The following WFIKKN1 variants were observed in gnomAD, a reference collection of about 807,000 sequenced individuals.
WFIKKN1 encodes WAP, Kazal, immunoglobulin, Kunitz and NTR domain-containing protein 1.
WFIKKN1 carries 6 observed loss-of-function variants against 4.6 expected under a neutral mutation model. The observed-to-expected ratio is 1.31, with a 90% CI of 0.72 to 2.59. WFIKKN1 has a LOEUF of 2.59. Among genes scored for constraint, WFIKKN1 ranks in the 30% most tolerant of loss-of-function variants. The pLI, the probability that WFIKKN1 is intolerant of heterozygous loss-of-function variation, is 0.00. For synonymous variants in WFIKKN1, 468 were observed against 367.4 expected (o/e 1.27, Z -3.13); for missense variants, 964 against 818.0 (o/e 1.18, Z -2.18).
In WFIKKN1 at chr16:633,975, C is replaced by T. The variant is rs2151087326; in HGVS notation, c.1565C>T (p.Ala522Val). Residue 522 changes from alanine to valine, a missense_variant, in exon 2 of 2, where the codon GCC becomes GTC. By Grantham distance (64) the Ala-to-Val change is moderately conservative. Coordinates refer to ENST00000319070, the MANE Select transcript of WFIKKN1 (RefSeq NM_053284.3). ...CTGGACGCCGGCAGCTACGTCCGCG[C>T]CGCCAGCGAGAAGCGCGTCAAGAAG... Reference protein sequence around the residue: ...AVLDAGSYVRAASEKRVKKIL... With the variant: ...AVLDAGSYVRVASEKRVKKIL... The T allele has an allele frequency of 6.3e-7, 1 of 1,599,862 alleles. No homozygotes were observed. The highest frequency in any genetic ancestry group is 8.5e-7 in the Non-Finnish European group (1 of 1,174,042).
chr16:633,457 G>A lies in WFIKKN1; in HGVS notation c.1047G>A (p.Gln349=), dbSNP rs764771203. Residue 349 remains glutamine (Q), a synonymous_variant, in exon 2 of 2, where the codon CAG becomes CAA. Transcript: ENST00000319070. ...TTGAGACCTACGAGGCATGCCAGCA[G>A]GCCTGTGCCCGCGGCCCCGGCGACG... is the stretch of plus-strand genomic sequence containing the variant. ...RGFETYEACQ[Q]ACARGPGDAC... is the part of the protein sequence containing the mutation. The A allele has an allele frequency of 9.8e-6, 15 of 1,534,476 alleles. 1 individual carries two copies. The South Asian group carries it at 1.8e-4, about 18-fold the overall frequency.
chr16:632,970 C>G lies in WFIKKN1; in HGVS notation c.560C>G (p.Ala187Gly). 1.3e-6 allele frequency: 2 copies of G among 1,588,666 alleles called. No homozygotes were observed. The highest frequency in any genetic ancestry group is 1.7e-6 in the Non-Finnish European group (2 of 1,166,774). Residue 187 changes from alanine (A) to glycine (G), a missense_variant, in exon 2 of 2, where the codon GCC becomes GGC. Physicochemically the swap from Ala to Gly is moderately conservative, Grantham distance 60. Transcript: ENST00000319070. ...PTPGAAPVPPALYSSPSPQAV... is the reference protein window; with the variant it reads ...PTPGAAPVPPGLYSSPSPQAV... Reference sequence around the variant, plus strand: ...CCTGGGGCCGCGCCCGTGCCTCCTGCCCTGTACAGCAGCCCCTCCCCACAG... The same window carrying G: ...CCTGGGGCCGCGCCCGTGCCTCCTGGCCTGTACAGCAGCCCCTCCCCACAG...
chr16:632,821 C>A lies in WFIKKN1; in HGVS notation c.411C>A (p.Asn137Lys). Residue 137 changes from asparagine (N) to lysine (K), a missense_variant, in exon 2 of 2, where the codon AAC becomes AAA. Physicochemically the swap from Asn to Lys is moderately conservative, Grantham distance 94. Coordinates refer to ENST00000319070, the MANE Select transcript of WFIKKN1 (RefSeq NM_053284.3). ...CCTCGGACGGCCTCACCTACTACAA[C>A]CGCTGCTATATGGACGCCGAGGCCT... The part of the protein sequence containing the change: ...TCASDGLTYY[N>K]RCYMDAEACL... 1 of 1,589,308 alleles carries A rather than the reference C, an allele frequency of 6.3e-7. No individual in the cohort carries two copies. The highest frequency in any genetic ancestry group is 8.6e-7 in the Non-Finnish European group (1 of 1,166,406).
In WFIKKN1 at chr16:633,639, C is replaced by A; in HGVS notation, c.1229C>A (p.Pro410His). ...HSRESCEDACPVPRTPPCRAC... is the reference protein window; with the variant it reads ...HSRESCEDACHVPRTPPCRAC... ...CGCGAGAGCTGCGAGGATGCCTGCC[C>A]CGTGCCGCGCACACCGCCCTGCCGC... The change falls in exon 2 of 2, where the codon CCC becomes CAC. Residue 410 changes from proline (P) to histidine (H), a missense_variant. Pro to His is a moderately conservative substitution (Grantham distance 77). Coordinates refer to ENST00000319070, the MANE Select transcript of WFIKKN1 (RefSeq NM_053284.3). 1 of 1,567,838 alleles carries A rather than the reference C, an allele frequency of 6.4e-7. No individual in the cohort carries two copies. Among genetic ancestry groups the A allele is most frequent in the East Asian group, 2.4e-5 (1 of 41,726 alleles).
rs370746314 is a variant in WFIKKN1 at position 633,983 on chromosome 16, G to C, written c.1573G>C (p.Glu525Gln). 4.4e-6 allele frequency: 7 copies of C among 1,602,054 alleles called. 1 individual carries two copies. In the Admixed American group the frequency reaches 1.0e-4, roughly 23 times the overall value. The change falls in exon 2 of 2, where the codon GAG becomes CAG. Residue 525 changes from glutamate (E) to glutamine (Q), a missense_variant. Coordinates refer to ENST00000319070, the MANE Select transcript of WFIKKN1 (RefSeq NM_053284.3). ...CGGCAGCTACGTCCGCGCCGCCAGC[G>C]AGAAGCGCGTCAAGAAGATCTTGGA... ...DAGSYVRAASEKRVKKILELL... is the reference protein window; with the variant it reads ...DAGSYVRAASQKRVKKILELL...
Position 634,030 on chromosome 16 carries a change from C to T in WFIKKN1, c.1620C>T (p.Cys540=), listed in dbSNP as rs1354304168. 1.3e-5 allele frequency: 20 copies of T among 1,593,606 alleles called. No individual in the cohort carries two copies. Among genetic ancestry groups the T allele is most frequent in the Non-Finnish European group, 1.5e-5 (17 of 1,172,378 alleles). ...KILELLEKQA[C]ELLNRFQD ...TGGAGCTGCTGGAGAAGCAGGCCTG[C>T]GAGCTGCTCAACCGCTTCCAGGACT... Residue 540 remains cysteine (C), a synonymous_variant, in exon 2 of 2, where the codon TGC becomes TGT. Coordinates refer to ENST00000319070, the MANE Select transcript of WFIKKN1 (RefSeq NM_053284.3).
chr16:631,155 A>T lies in WFIKKN1; in HGVS notation c.-99A>T, dbSNP rs2036943921. The T allele has an allele frequency of 1.4e-6, 2 of 1,381,116 alleles. No individual in the cohort carries two copies. The highest frequency in any genetic ancestry group is 1.9e-6 in the Non-Finnish European group (2 of 1,047,300). 85.6% of individuals were successfully genotyped at this position (1,381,116 alleles called of 1,614,324 possible). Reference sequence around the variant, plus strand: ...CGGGGTCCTGGTGGGGGCACCGACCACAGGCCCGGAGGGTGGATGCCTGCA... The same window carrying T: ...CGGGGTCCTGGTGGGGGCACCGACCTCAGGCCCGGAGGGTGGATGCCTGCA... On this transcript the variant is annotated 5_prime_UTR_variant, in exon 1 of 2. Transcript: ENST00000319070.
rs142058878 is a variant in WFIKKN1 at position 631,325 on chromosome 16, A to G, written c.72A>G (p.Pro24=). ...LRLTSGAGLL[P]GLGSHPGVCP... ...TGACCTCGGGGGCTGGCTTGCTGCC[A>G]GGGCTGGGGAGCCACCCGGGCGTGT... The change falls in exon 1 of 2, where the codon CCA becomes CCG. Residue 24 remains proline (P), a synonymous_variant. Transcript: ENST00000319070. 10,322 of 1,603,930 alleles carry G rather than the reference A, an allele frequency of 6.4e-3. 49 individuals are homozygous for G. The highest frequency in any genetic ancestry group is 7.9e-3 in the Non-Finnish European group (9,277 of 1,179,170).
rs748207139 is a variant in WFIKKN1, at chr16:632,797, C to T, written c.387C>T (p.Ala129=). The T allele has an allele frequency of 7.5e-6, 12 of 1,598,318 alleles. No individual in the cohort carries two copies. In the Middle Eastern group the frequency reaches 5.0e-4, roughly 66 times the overall value. ...RCEKEPSFTC[A]SDGLTYYNRC... is the part of the protein sequence containing the mutation. Reference sequence around the variant, plus strand: ...AGAAGGAGCCCAGCTTCACCTGCGCCTCGGACGGCCTCACCTACTACAACC... The same window carrying T: ...AGAAGGAGCCCAGCTTCACCTGCGCTTCGGACGGCCTCACCTACTACAACC... Residue 129 remains alanine, a synonymous_variant, in exon 2 of 2, where the codon GCC becomes GCT. Coordinates refer to ENST00000319070, the MANE Select transcript of WFIKKN1 (RefSeq NM_053284.3).
In WFIKKN1 at chr16:633,905, G is replaced by T; in HGVS notation, c.1495G>T (p.Gly499Trp). 2 of 1,592,378 alleles carry T rather than the reference G, an allele frequency of 1.3e-6. No individual in the cohort carries two copies. The highest frequency in any genetic ancestry group is 8.5e-7 in the Non-Finnish European group (1 of 1,170,420). The stretch of plus-strand genomic sequence containing the variant: ...CTGCCCCAACATGACGGCGGGCGAC[G>T]GGCCGCTGGTCATCATGGGTGAGGT... Reference protein sequence around the residue: ...CPCPNMTAGDGPLVIMGEVRD... With the variant: ...CPCPNMTAGDWPLVIMGEVRD... The change falls in exon 2 of 2, where the codon GGG (glycine) becomes TGG (tryptophan). Residue 499 changes from glycine to tryptophan, a missense_variant. Physicochemically the swap from Gly to Trp is radical, Grantham distance 184. Transcript: ENST00000319070.
In WFIKKN1 at chr16:633,762, C is replaced by G; in HGVS notation, c.1352C>G (p.Ala451Gly). 6.3e-7 allele frequency: 1 copy of G among 1,596,240 alleles called. No individual in the cohort carries two copies. Among genetic ancestry groups the G allele is most frequent in the Non-Finnish European group, 8.5e-7 (1 of 1,172,210 alleles). The change falls in exon 2 of 2, where the codon GCC (alanine) becomes GGC (glycine). Residue 451 changes from alanine to glycine, a missense_variant. Ala to Gly is a moderately conservative substitution (Grantham distance 60, BLOSUM62 0). Coordinates refer to ENST00000319070, the MANE Select transcript of WFIKKN1 (RefSeq NM_053284.3). ...GAGGTGCTGGAGGAGCCCGAGGCCGCCGGCGGCATCGCCCGCGTGGCGCTC... is the reference window on the plus strand; with the variant it reads ...GAGGTGCTGGAGGAGCCCGAGGCCGGCGGCGGCATCGCCCGCGTGGCGCTC... ...LTEVLEEPEA[A>G]GGIARVALED...
At position 632,771 on chromosome 16, in the gene WFIKKN1, G is replaced by A. The variant is rs777829410; in HGVS notation, c.361G>A (p.Glu121Lys). The change falls in exon 2 of 2, where the codon GAG (glutamate) becomes AAG (lysine). Residue 121 changes from glutamate (E) to lysine (K), a missense_variant. Physicochemically the swap from Glu to Lys is moderately conservative, Grantham distance 56. Transcript: ENST00000319070. ...CGTGTGCCGCTGCCGCGACCGCTGT[G>A]AGAAGGAGCCCAGCTTCACCTGCGC... ...QPVCRCRDRC[E>K]KEPSFTCASD... 4.4e-6 allele frequency: 7 copies of A among 1,606,840 alleles called. No homozygotes were observed. Among genetic ancestry groups the A allele is most frequent in the East Asian group, 4.5e-5 (2 of 44,698 alleles).
Position 633,378 on chromosome 16 carries a change from G to T in WFIKKN1, c.968G>T (p.Arg323Leu). 1 of 1,566,420 alleles carries T rather than the reference G, an allele frequency of 6.4e-7. No individual in the cohort carries two copies. ...GTCCTCTGGCACTACGACCCGCAGC[G>T]GGGCGGCTGCATGACCTTCCCGGCC... ...HLVLWHYDPQ[R>L]GGCMTFPARG... Residue 323 changes from arginine (R) to leucine (L), a missense_variant, in exon 2 of 2, where the codon CGG (arginine) becomes CTG (leucine). Physicochemically the swap from Arg to Leu is moderately radical, Grantham distance 102. Transcript: ENST00000319070.
At chr16:632,212 T>TCCATCC (rs1408969810) in intron 1 of WFIKKN1, 2 of 210,396 alleles carry the variant, frequency 9.5e-6, no homozygotes, top group Non-Finnish European at 1.9e-5. Flanking sequence ...CCACCCTCCT[T>TCCATCC]CCATCCGGGA....
chr16:633,582 G>C lies in WFIKKN1; in HGVS notation c.1172G>C (p.Gly391Ala). The C allele has an allele frequency of 6.4e-7, 1 of 1,568,218 alleles. No individual in the cohort carries two copies. Among genetic ancestry groups the C allele is most frequent in the African/African-American group, 1.4e-5 (1 of 72,338 alleles). Residue 391 changes from glycine (G) to alanine (A), a missense_variant, in exon 2 of 2, where the codon GGC becomes GCC. By Grantham distance (60) the Gly-to-Ala change is moderately conservative. Transcript: ENST00000319070. ...CAGTGCCATCCCTTCGTGTACGGTG[G>C]CTGCGAGGGCAACGGCAACAACTTC... Reference protein sequence around the residue: ...LQQCHPFVYGGCEGNGNNFHS... With the variant: ...LQQCHPFVYGACEGNGNNFHS...
Position 633,525 on chromosome 16 carries a change from AGCCGCGCTGG to A in WFIKKN1, c.1119_1128del (p.Arg374ThrfsTer52). Reference sequence around the variant, plus strand: ...GTGCAGGGCCCCTGCCGGGGCTGGGAGCCGCGCTGGGCCTACAGCCCGCTGCTGCAGCAGT... The same window carrying A: ...GTGCAGGGCCCCTGCCGGGGCTGGGAGCCTACAGCCCGCTGCTGCAGCAGT... On this transcript the variant is annotated frameshift_variant, in exon 2 of 2. Transcript: ENST00000319070. LOFTEE classifies it low-confidence loss of function (END_TRUNC). The A allele has an allele frequency of 6.6e-7, 1 of 1,509,552 alleles. No individual in the cohort carries two copies. The highest frequency in any genetic ancestry group is 1.7e-4 in the Middle Eastern group (1 of 5,786). The allele number at this position is 1,509,552 out of a possible 1,614,324, so 93.5% of individuals were successfully genotyped here. A position where few individuals can be genotyped will look rare whatever the true frequency, so the allele number is the denominator to read the frequency against.
In WFIKKN1 at chr16:633,221, C is replaced by G; in HGVS notation, c.811C>G (p.Leu271Val). The change falls in exon 2 of 2, where the codon CTG becomes GTG. Residue 271 changes from leucine to valine, a missense_variant. By Grantham distance (32) the Leu-to-Val change is conservative (BLOSUM62 1). Coordinates refer to ENST00000319070, the MANE Select transcript of WFIKKN1 (RefSeq NM_053284.3). Reference sequence around the variant, plus strand: ...CTGCACCGCGCGCAACGCTGCTGGGCTGCTGCGGGCTGACTTCCCACTCTC... The same window carrying G: ...CTGCACCGCGCGCAACGCTGCTGGGGTGCTGCGGGCTGACTTCCCACTCTC... The part of the protein sequence containing the change: ...YTCTARNAAG[L>V]LRADFPLSVV... 6.3e-7 allele frequency: 1 copy of G among 1,585,020 alleles called. No individual in the cohort carries two copies. The highest frequency in any genetic ancestry group is 8.6e-7 in the Non-Finnish European group (1 of 1,165,900).
At chr16:631,623 C>A (rs1242968085) in intron 1 of WFIKKN1, 199 bp downstream of exon 1, 2 of 516,758 alleles carry the variant, frequency 3.9e-6, no homozygotes, top group Non-Finnish European at 5.8e-6. Context: ...AGCTTTCATG[C>A]TCCCCATGTG....
Position 632,897 on chromosome 16 carries a change from T to C in WFIKKN1, c.487T>C (p.Trp163Arg). Reference protein sequence around the residue: ...HIVPCKHVLSWPPSSPGPPET... With the variant: ...HIVPCKHVLSRPPSSPGPPET... ...CGTGCCCTGCAAGCACGTGCTCAGC[T>C]GGCCGCCCAGCAGCCCGGGGCCGCC... The change falls in exon 2 of 2, where the codon TGG becomes CGG. Residue 163 changes from tryptophan (W) to arginine (R), a missense_variant. Coordinates refer to ENST00000319070, the MANE Select transcript of WFIKKN1 (RefSeq NM_053284.3). 6.4e-7 allele frequency: 1 copy of C among 1,568,822 alleles called. No homozygotes were observed. Among genetic ancestry groups the C allele is most frequent in the Non-Finnish European group, 8.6e-7 (1 of 1,157,644 alleles).
Sources: gnomAD v4.1 joint callset for allele counts on GRCh38, gnomAD v4.1.1 for gene constraint, MANE v1.5 for transcripts, NCBI Gene and HGNC (gene_info 2026-07-23, HGNC 2026-07-21) for gene names.